Variants in C8A observed in about 807,000 individuals in gnomAD.
C8A encodes the protein complement C8 alpha chain.
Under a neutral mutation model 65.3 loss-of-function variants are expected in C8A, and 67 were observed. The ratio of observed to expected loss-of-function variants is 1.03; its 90% confidence interval spans 0.84 to 1.26. The LOEUF is 1.26. Among genes scored for constraint, C8A ranks in the 50% most tolerant of loss-of-function variants. The pLI, the probability that C8A is intolerant of heterozygous loss-of-function variation, is 0.00. For synonymous variants in C8A, 290 were observed against 259.4 expected (o/e 1.12, Z -1.13); for missense variants, 781 against 723.9 (o/e 1.08, Z -0.90).
intron 1 of C8A, 113 bp from the exon 2 acceptor site, chr1:56,867,496 T>C (rs1016506185): frequency 1.3e-6 from 1 of 754,830 alleles, no homozygotes; most frequent in South Asian, 1.5e-5. Flanking sequence ...CAATAAATGT[T>C]CATTCCTCAT....
At chr1:56,904,852 G>A (rs1002472627) in intron 7 of C8A, among the ~76,000 whole-genome samples, 12 of 152,106 alleles carry the variant, frequency 7.9e-5, no homozygotes, top group African/African-American at 2.9e-4. Context: ...AAGTCAGACT[G>A]GAATTCTCTT....
chr1:56,894,845 A>C (rs1222282732), intron 7 of C8A, among the ~76,000 whole-genome samples: 2 of 152,136 alleles, frequency 1.3e-5, no homozygotes, highest in African/African-American at 4.8e-5. Flanking sequence ...TGTCATAATC[A>C]TCAGATTATG....
chr1:56,893,288 G>C (rs1011002489), intron 7 of C8A, among the ~76,000 whole-genome samples: 3 of 152,018 alleles, frequency 2.0e-5, no homozygotes, highest in African/African-American at 7.2e-5. Flanking sequence ...TTACTATTAT[G>C]GATTATAATT....
chr1:56,882,232 C>T (rs1020234303), intron 5 of C8A, among the ~76,000 whole-genome samples: 2 of 152,126 alleles, frequency 1.3e-5, no homozygotes, highest in Admixed American at 6.6e-5. Flanking sequence ...CATGATCAGT[C>T]AAGGGCCTAC....
intron 7 of C8A, among the ~76,000 whole-genome samples, chr1:56,897,223 C>G (rs1056694576): frequency 6.6e-6 from 1 of 151,684 alleles, no homozygotes; most frequent in Non-Finnish European, 1.5e-5. Context: ...TCAGTTTGAC[C>G]CATTGATTGG....
chr1:56,885,607 G>A (rs1644293478), intron 6 of C8A, among the ~76,000 whole-genome samples: 1 of 148,280 alleles, frequency 6.7e-6, no homozygotes, highest in Non-Finnish European at 1.5e-5. Flanking sequence ...CTATTGCCAG[G>A]CTGGAGCGAT....
rs55878171 is a variant in C8A, at chr1:56,881,339, C to T, written c.465-106C>T. The T allele has an allele frequency of 1.2e-5, 14 of 1,152,962 alleles. No homozygotes were observed. The East Asian group carries it at 3.1e-4, about 25-fold the overall frequency. 71.4% of individuals were successfully genotyped at this position (1,152,962 alleles called of 1,614,324 possible). A position where few individuals can be genotyped will look rare whatever the true frequency, so the allele number is the denominator to read the frequency against. ...ATGCGCAGGATGTGCAGGTTTGTCA[C>T]ATAGGTAAACGTGTGCCATGGTGGT... On this transcript the variant is annotated intron_variant, in intron 4 of 10. Coordinates refer to ENST00000361249, the MANE Select transcript of C8A (RefSeq NM_000562.3).
At chr1:56,891,718 G>T (rs1434253569) in intron 7 of C8A, among the ~76,000 whole-genome samples, 1 of 152,074 alleles carries the variant, frequency 6.6e-6, no homozygotes, top group Non-Finnish European at 1.5e-5. Flanking sequence ...ACACATAAGT[G>T]TGTGTGCATG....
chr1:56,888,199 T>C (rs899056793), intron 7 of C8A, among the ~76,000 whole-genome samples: 1 of 152,194 alleles, frequency 6.6e-6, no homozygotes, highest in Non-Finnish European at 1.5e-5. Flanking sequence ...AAAAGTATCA[T>C]GCCTGCCACT....
chr1:56,898,240 GT>G (rs1376544078), intron 7 of C8A, among the ~76,000 whole-genome samples: 2 of 152,136 alleles, frequency 1.3e-5, no homozygotes, highest in African/African-American at 4.8e-5. Flanking sequence ...GCCAGGAATA[GT>G]GATGATAACA....
intron 2 of C8A, among the ~76,000 whole-genome samples, chr1:56,873,900 T>C (rs977991178): frequency 6.6e-6 from 1 of 152,208 alleles, no homozygotes; most frequent in African/African-American, 2.4e-5. Flanking sequence ...AGTTTTCAGC[T>C]TCCTTCTTCT....
intron 2 of C8A, among the ~76,000 whole-genome samples, chr1:56,869,724 A>G (rs559784627): frequency 6.6e-6 from 1 of 152,248 alleles, no homozygotes; most frequent in South Asian, 2.1e-4. Context: ...GAGTAAGGTG[A>G]TATCTCATTA....
chr1:56,867,248 C>T (rs915163938), intron 1 of C8A, among the ~76,000 whole-genome samples: 24 of 152,138 alleles, frequency 1.6e-4, no homozygotes, highest in Admixed American at 1.4e-3. Flanking sequence ...TCAAAGTCAG[C>T]AAGTGGTTAA....
At chr1:56,902,693 T>A (rs1357682771) in intron 7 of C8A, among the ~76,000 whole-genome samples, 1 of 152,158 alleles carries the variant, frequency 6.6e-6, no homozygotes, top group Non-Finnish European at 1.5e-5. Flanking sequence ...ACCCTTTGAT[T>A]CTATATATCT....
chr1:56,866,789 A>G (rs1403707865), intron 1 of C8A, among the ~76,000 whole-genome samples: 1 of 152,160 alleles, frequency 6.6e-6, no homozygotes, highest in East Asian at 1.9e-4. Context: ...CTGAGTAGGC[A>G]TTTTAATTGG....
chr1:56,897,223 C>A (rs1056694576), intron 7 of C8A, among the ~76,000 whole-genome samples: 1 of 151,684 alleles, frequency 6.6e-6, no homozygotes, highest in Admixed American at 6.6e-5. Flanking sequence ...TCAGTTTGAC[C>A]CATTGATTGG....
chr1:56,881,814 A>T (rs189106070), intron 5 of C8A, among the ~76,000 whole-genome samples, 180 bp downstream of exon 5: 5 of 152,304 alleles, frequency 3.3e-5, no homozygotes, highest in Admixed American at 3.3e-4. Context: ...TGAGAGGCAG[A>T]TCATAAATGT....
Position 56,918,055 on chromosome 1 carries a change from C to G in C8A, c.*339C>G. On this transcript the variant is annotated 3_prime_UTR_variant, in exon 11 of 11. Transcript: ENST00000361249. ...AACTTACAGGATGTTAGAGACAAAACAAGCAGACACCTGAAACAATCAACG... is the reference window on the plus strand; with the variant it reads ...AACTTACAGGATGTTAGAGACAAAAGAAGCAGACACCTGAAACAATCAACG... 1 of 242,778 alleles carries G rather than the reference C, an allele frequency of 4.1e-6. No homozygotes were observed. Among genetic ancestry groups the G allele is most frequent in the Non-Finnish European group, 8.1e-6 (1 of 124,024 alleles). The allele number at this position is 242,778 out of a possible 1,614,324, so 15.0% of individuals were successfully genotyped here. A position where few individuals can be genotyped will look rare whatever the true frequency, so the allele number is the denominator to read the frequency against.
intron 7 of C8A, among the ~76,000 whole-genome samples, chr1:56,888,961 G>A (rs1187728430): frequency 6.6e-6 from 1 of 152,140 alleles, no homozygotes; most frequent in Non-Finnish European, 1.5e-5. Flanking sequence ...CCATGTGGTT[G>A]TGGTATAGCC....
Sources: gnomAD v4.1 joint callset for allele counts (sites outside exome capture counted in the v4.1 genomes callset) on GRCh38, gnomAD v4.1.1 for gene constraint, MANE v1.5 for transcripts, NCBI Gene and HGNC (gene_info 2026-07-23, HGNC 2026-07-21) for gene names.